The following ZNF589 variants were observed in gnomAD, a reference collection of about 807,000 sequenced individuals.
ZNF589 encodes the protein zinc finger protein 589.
ZNF589 carries 17 observed loss-of-function variants against 13.6 expected under a neutral mutation model. The ratio of observed to expected loss-of-function variants is 1.25; its 90% CI spans 0.86 to 1.88. The LOEUF (loss-of-function observed/expected upper bound fraction) is 1.88, where lower values mean the gene tolerates loss of function less well. Ranked by LOEUF, ZNF589 falls within the 40% of genes most tolerant of loss-of-function variation. ZNF589 has a pLI of 0.00. For missense variants in ZNF589, 407 were observed against 434.0 expected (o/e 0.94, Z 0.55); for synonymous variants, 148 against 161.6 (o/e 0.92, Z 0.64).
chr3:48,270,757 G>A lies in ZNF589; in HGVS notation c.*1971G>A, dbSNP rs2106854343. 6.1e-6 allele frequency: 1 copy of A among 164,626 alleles called. No homozygotes were observed. The highest frequency in any genetic ancestry group is 1.7e-4 in the East Asian group (1 of 5,780). 10.2% of individuals were successfully genotyped at this position (164,626 alleles called of 1,614,324 possible). On this transcript the variant is annotated 3_prime_UTR_variant, in exon 4 of 4. Coordinates refer to ENST00000354698, the MANE Select transcript of ZNF589 (RefSeq NM_016089.3). ...AGAGGAAAAAGGACTTGGAGAGAGAGAAGGAATGGCTGGTCCAGAGGCTTT... is the reference window on the plus strand; with the variant it reads ...AGAGGAAAAAGGACTTGGAGAGAGAAAAGGAATGGCTGGTCCAGAGGCTTT...
At chr3:48,247,174 A>G (rs2033776073) in intron 1 of ZNF589, among the ~76,000 whole-genome samples, 3 of 144,680 alleles carry the variant, frequency 2.1e-5, no homozygotes, top group Admixed American at 1.4e-4. Context: ...TTTCTTTGTC[A>G]TGTTGGTCAG....
At chr3:48,265,442 A>T (rs1008786346) in intron 3 of ZNF589, among the ~76,000 whole-genome samples, 1 of 151,562 alleles carries the variant, frequency 6.6e-6, no homozygotes, top group African/African-American at 2.4e-5. Flanking sequence ...CGGCGCCACC[A>T]TGACCGATTA....
At chr3:48,258,163 T>G (rs929364601) in intron 2 of ZNF589, among the ~76,000 whole-genome samples, 4 of 152,170 alleles carry the variant, frequency 2.6e-5, no homozygotes, top group African/African-American at 9.7e-5. Flanking sequence ...TGAACGTGCT[T>G]TGCCTCCCCA....
At chr3:48,265,391 A>G (rs531535303) in intron 3 of ZNF589, among the ~76,000 whole-genome samples, 3 of 143,128 alleles carry the variant, frequency 2.1e-5, no homozygotes, top group Non-Finnish European at 3.0e-5. Flanking sequence ...AATTGAAGCA[A>G]TTCTCCTGCC....
intron 1 of ZNF589, among the ~76,000 whole-genome samples, chr3:48,243,937 T>G (rs929024790): frequency 6.6e-6 from 1 of 152,178 alleles, no homozygotes; most frequent in Non-Finnish European, 1.5e-5. Flanking sequence ...CCCAGATGTG[T>G]CCAACATGGG....
At position 48,270,233 on chromosome 3, in the gene ZNF589, A is replaced by T. The variant is rs1158325723; in HGVS notation, c.*1447A>T. On this transcript the variant is annotated 3_prime_UTR_variant, in exon 4 of 4. Transcript: ENST00000354698. ...GCCCTACAATCTGAGGGACACCTTT[A>T]CCAGGTCCCCTTCCTAACCCTCCAG... The T allele has an allele frequency of 8.8e-6, 4 of 457,066 alleles. No individual in the cohort carries two copies. Among genetic ancestry groups the T allele is most frequent in the Non-Finnish European group, 1.8e-5 (4 of 227,080 alleles). The allele number at this position is 457,066 out of a possible 1,614,324, so 28.3% of individuals were successfully genotyped here. A position where few individuals can be genotyped will look rare whatever the true frequency, so the allele number is the denominator to read the frequency against.
At chr3:48,260,271 G>A (rs1203450078) in intron 2 of ZNF589, among the ~76,000 whole-genome samples, 1 of 152,046 alleles carries the variant, frequency 6.6e-6, no homozygotes, top group Non-Finnish European at 1.5e-5. Context: ...CTGGGTAGCT[G>A]GAACTACAGG....
Position 48,267,996 on chromosome 3 carries a change from T to A in ZNF589, c.305T>A (p.Leu102Gln). 2.5e-6 allele frequency: 4 copies of A among 1,614,130 alleles called. No individual in the cohort carries two copies. Among genetic ancestry groups the A allele is most frequent in the Non-Finnish European group, 2.5e-6 (3 of 1,180,040 alleles). The change falls in exon 4 of 4, where the codon CTA becomes CAA. Residue 102 changes from leucine to glutamine, a missense_variant. By Grantham distance (113) the Leu-to-Gln change is moderately radical. Transcript: ENST00000354698. ...CAGCAGTTCCTCAGCCAAGATGAGC[T>A]ACACAATCATCCTATTCCAGGTTTC... is the stretch of plus-strand genomic sequence containing the variant. ...GSQQFLSQDE[L>Q]HNHPIPGFHA...
chr3:48,259,138 C>T (rs1254608728), intron 2 of ZNF589, among the ~76,000 whole-genome samples: 1 of 152,206 alleles, frequency 6.6e-6, no homozygotes, highest in Non-Finnish European at 1.5e-5. Flanking sequence ...CTGCCTAATC[C>T]TGGGTCCTGG....
chr3:48,242,119 CT>C (rs372025252), intron 1 of ZNF589, among the ~76,000 whole-genome samples: 308 of 149,406 alleles, frequency 2.1e-3, no homozygotes, highest in African/African-American at 7.0e-3. Flanking sequence ...GCCCAAAAGA[CT>C]TTTTTTTTGG....
At chr3:48,263,184 A>G (rs1162250595) in intron 3 of ZNF589, among the ~76,000 whole-genome samples, 1 of 151,468 alleles carries the variant, frequency 6.6e-6, no homozygotes, top group Non-Finnish European at 1.5e-5. Flanking sequence ...ATCTCAGCTC[A>G]CTGCAACCTC....
At chr3:48,263,228 G>C (rs1252046546) in intron 3 of ZNF589, among the ~76,000 whole-genome samples, 1 of 151,774 alleles carries the variant, frequency 6.6e-6, no homozygotes, top group African/African-American at 2.4e-5. Flanking sequence ...TCCTGCCTCA[G>C]CCTCCTGAGT....
chr3:48,242,832 A>G (rs768722643), intron 1 of ZNF589, among the ~76,000 whole-genome samples: 2 of 151,732 alleles, frequency 1.3e-5, no homozygotes, highest in Non-Finnish European at 2.9e-5. Context: ...TGGGAGGCCA[A>G]GGCAGGAGGA....
At chr3:48,256,422 C>A in intron 2 of ZNF589, 1 of 557,176 alleles carries the variant, frequency 1.8e-6, no homozygotes, top group South Asian at 1.5e-5. Flanking sequence ...AGGCCATGAA[C>A]GCCCTGTTCC....
Position 48,268,966 on chromosome 3 carries a change from T to A in ZNF589, c.*180T>A. ...TGTGTGAGGAGTGTGGGCATGGATT[T>A]AGCCAGAAGTCGTCGCTCAAATCAC... On this transcript the variant is annotated 3_prime_UTR_variant, in exon 4 of 4. Transcript: ENST00000354698. The A allele has an allele frequency of 1.1e-6, 1 of 935,570 alleles. No homozygotes were observed. The allele number at this position is 935,570 out of a possible 1,614,324, so 58.0% of individuals were successfully genotyped here. A position where few individuals can be genotyped will look rare whatever the true frequency, so the allele number is the denominator to read the frequency against.
At chr3:48,248,455 A>G (rs1484881513) in intron 2 of ZNF589, among the ~76,000 whole-genome samples, 1 of 152,188 alleles carries the variant, frequency 6.6e-6, no homozygotes, top group Non-Finnish European at 1.5e-5. Flanking sequence ...ATAAAAGAAC[A>G]CACTTTCCAA....
At chr3:48,257,550 G>A (rs911577935) in intron 2 of ZNF589, among the ~76,000 whole-genome samples, 2 of 151,948 alleles carry the variant, frequency 1.3e-5, no homozygotes, top group Middle Eastern at 3.4e-3. Context: ...GTGAGCCACC[G>A]AAAAAAGTTT....
chr3:48,250,363 G>A (rs1385533585), intron 2 of ZNF589, among the ~76,000 whole-genome samples: 1 of 147,296 alleles, frequency 6.8e-6, no homozygotes, highest in African/African-American at 2.5e-5. Context: ...TGTTGCCCAG[G>A]CTGGTCTCAA....
Position 48,247,619 on chromosome 3 carries a change from C to T in ZNF589, c.44-6C>T, listed in dbSNP as rs1207684272. The T allele has an allele frequency of 1.9e-6, 3 of 1,611,624 alleles. No homozygotes were observed. In the African/African-American group the frequency reaches 4.0e-5, roughly 22 times the overall value. ...GCTTCTCAAGGTTGCTTCTTTCTTT[C>T]CCCAGCTCTGCCTGCCAAGGATTCT... On this transcript the variant is annotated splice_polypyrimidine_tract_variant and splice_region_variant and intron_variant, in intron 1 of 3. Transcript: ENST00000354698.
Sources: allele counts gnomAD v4.1 joint callset (sites outside exome capture counted in the v4.1 genomes callset), GRCh38; gene constraint gnomAD v4.1.1; transcripts MANE v1.5; gene names NCBI Gene and HGNC (gene_info 2026-07-23, HGNC 2026-07-21).